SCAI: variants seen among roughly 807,000 people sequenced by gnomAD.
SCAI encodes protein SCAI.
In SCAI, 24 loss-of-function variants were observed where a neutral mutation model predicts 92.2. That is an observed-to-expected ratio of 0.26 (90% CI 0.19 to 0.37). SCAI has a LOEUF of 0.37. Among genes scored for constraint, SCAI ranks in the 10% least tolerant of loss-of-function variants. The probability of loss-of-function intolerance (pLI) is 1.00; values close to 1 mark genes in which losing one functional copy is unlikely to be tolerated. For synonymous variants in SCAI, 261 were observed against 258.6 expected (o/e 1.01, Z -0.09); for missense variants, 450 against 736.2 (o/e 0.61, Z 4.50).
intron 2 of SCAI, among the ~76,000 whole-genome samples, chr9:125,082,830 A>T (rs1342574793): frequency 6.6e-6 from 1 of 152,146 alleles, no homozygotes; most frequent in Non-Finnish European, 1.5e-5. Flanking sequence ...TTGTACCCCC[A>T]CTGTACCTAA....
chr9:124,997,235 T>A (rs1178597029), intron 13 of SCAI, among the ~76,000 whole-genome samples: 1 of 152,166 alleles, frequency 6.6e-6, no homozygotes, highest in African/African-American at 2.4e-5. Flanking sequence ...ACATGATGGA[T>A]CATAGTCATG....
In SCAI at chr9:125,075,634, T is replaced by G. The variant is rs1268832327; in HGVS notation, c.99-19627A>C. On this transcript the variant is annotated intron_variant, in intron 2 of 17. Coordinates refer to ENST00000336505, the MANE Select transcript of SCAI (RefSeq NM_001144877.3). ...CAGGCTGGAGTACAGTGGCACGATC[T>G]CCGCTCACAACAACCTCCGCCTCCA... is the stretch of plus-strand genomic sequence containing the variant. Among the ~76,000 whole-genome samples, 79 of 149,794 alleles carry G rather than the reference T, an allele frequency of 5.3e-4. 1 individual carries two copies. The highest frequency in any genetic ancestry group is 1.5e-5 in the Non-Finnish European group (1 of 67,480).
chr9:125,043,111 A>G (rs991110893), intron 3 of SCAI, among the ~76,000 whole-genome samples: 5 of 151,646 alleles, frequency 3.3e-5, no homozygotes, highest in South Asian at 2.1e-4. Flanking sequence ...CAAGTGATCC[A>G]CCTGCCCTGG....
chr9:125,105,443 G>A (rs921822982), intron 2 of SCAI, among the ~76,000 whole-genome samples: 37 of 152,234 alleles, frequency 2.4e-4, no homozygotes, highest in African/African-American at 8.4e-4. Context: ...TCGCTTCTTG[G>A]CCTTTTGGCC....
chr9:125,004,605 A>G (rs528875838), intron 9 of SCAI, among the ~76,000 whole-genome samples: 521 of 150,856 alleles, frequency 3.5e-3, no homozygotes, highest in Non-Finnish European at 5.9e-3. Context: ...CTAGGAATAC[A>G]GGCATAAGCC....
chr9:125,026,979 T>C lies in SCAI; in HGVS notation c.414-69A>G. 4 of 884,606 alleles carry C rather than the reference T, an allele frequency of 4.5e-6. No individual in the cohort carries two copies. The Admixed American group carries it at 6.8e-5, about 15-fold the overall frequency. 54.8% of individuals were successfully genotyped at this position (884,606 alleles called of 1,614,324 possible). ...TCTTCACCATGGTAAATACTTGTTC[T>C]ATATACCGCTGTATTCCTCTGTGGC... On this transcript the variant is annotated intron_variant, in intron 5 of 17. Transcript: ENST00000336505.
At chr9:125,077,271 T>C (rs1207582185) in intron 2 of SCAI, among the ~76,000 whole-genome samples, 1 of 152,258 alleles carries the variant, frequency 6.6e-6, no homozygotes, top group Non-Finnish European at 1.5e-5. Context: ...TTACTTTTTC[T>C]TTAAGCAGTA....
chr9:124,958,864 G>A (rs1408325611), intron 17 of SCAI, among the ~76,000 whole-genome samples: 4 of 146,884 alleles, frequency 2.7e-5, no homozygotes, highest in African/African-American at 1.0e-4. Context: ...CCAAGATTGT[G>A]CCACTGCACT....
At chr9:125,044,854 G>A (rs1398270245) in intron 3 of SCAI, among the ~76,000 whole-genome samples, 3 of 152,106 alleles carry the variant, frequency 2.0e-5, no homozygotes, top group African/African-American at 2.4e-5. Context: ...TGTTCCCCTC[G>A]TCCAGATGTG....
chr9:125,034,440 CA>C (rs1231940129), intron 3 of SCAI, among the ~76,000 whole-genome samples: 4 of 151,866 alleles, frequency 2.6e-5, no homozygotes, highest in Non-Finnish European at 5.9e-5. Context: ...AGAGAGGTTA[CA>C]AAAGAAAAAC....
At chr9:125,125,813 A>G (rs925152253) in intron 2 of SCAI, among the ~76,000 whole-genome samples, 8 of 114,734 alleles carry the variant, frequency 7.0e-5, no homozygotes, top group African/African-American at 2.8e-4. Context: ...CCTGGGCGAC[A>G]GAGTAAAGAC....
intron 2 of SCAI, among the ~76,000 whole-genome samples, chr9:125,104,795 T>C (rs1834743251): frequency 6.6e-6 from 1 of 151,758 alleles, no homozygotes; most frequent in African/African-American, 2.4e-5. Flanking sequence ...AATGTACTAC[T>C]AAAAATACAA....
chr9:125,017,123 G>C (rs1487418814), intron 9 of SCAI, among the ~76,000 whole-genome samples: 2 of 152,008 alleles, frequency 1.3e-5, no homozygotes, highest in East Asian at 3.9e-4. Context: ...GAAATGCTTG[G>C]TCATAGAGTG....
At position 125,001,961 on chromosome 9, in the gene SCAI, G is replaced by A. The variant is rs1832370598; in HGVS notation, c.1144+4C>T. 2.5e-6 allele frequency: 4 copies of A among 1,601,104 alleles called. No individual in the cohort carries two copies. The South Asian group carries it at 3.3e-5, about 13-fold the overall frequency. ...TCACAACAGGGAGCATTCCTTTATT[G>A]TACCTTCACTATCAGAACGACCTGT... On this transcript the variant is annotated splice_donor_region_variant and intron_variant, in intron 12 of 17. Coordinates refer to ENST00000336505, the MANE Select transcript of SCAI (RefSeq NM_001144877.3).
At chr9:125,017,203 A>G (rs2060650793) in intron 9 of SCAI, among the ~76,000 whole-genome samples, 1 of 152,182 alleles carries the variant, frequency 6.6e-6, no homozygotes, top group Admixed American at 6.5e-5. Flanking sequence ...TTCTATTTCT[A>G]CATAGTATGA....
chr9:125,043,227 A>C (rs912196451), intron 3 of SCAI, among the ~76,000 whole-genome samples: 1 of 152,176 alleles, frequency 6.6e-6, no homozygotes, highest in Non-Finnish European at 1.5e-5. Context: ...AAGGCAAAGG[A>C]ATAAGCCAAC....
chr9:125,108,906 G>A (rs566192919), intron 2 of SCAI, among the ~76,000 whole-genome samples: 1 of 152,350 alleles, frequency 6.6e-6, no homozygotes, highest in East Asian at 1.9e-4. Context: ...TGGCGGTTTT[G>A]TCAAATGGAA....
At chr9:124,989,413 C>G (rs940958186) in intron 14 of SCAI, among the ~76,000 whole-genome samples, 29 of 151,884 alleles carry the variant, frequency 1.9e-4, no homozygotes, top group Admixed American at 9.8e-4. Flanking sequence ...AACCCCACCT[C>G]TACTAAAAAT....
chr9:124,973,122 G>A (rs923445650), intron 15 of SCAI, among the ~76,000 whole-genome samples: 10 of 152,118 alleles, frequency 6.6e-5, no homozygotes, highest in East Asian at 3.8e-4. Context: ...CATATGTACC[G>A]TATACACATA....
Sources: gnomAD v4.1 joint callset for allele counts (sites outside exome capture counted in the v4.1 genomes callset) on GRCh38, gnomAD v4.1.1 for gene constraint, MANE v1.5 for transcripts, NCBI Gene and HGNC (gene_info 2026-07-23, HGNC 2026-07-21) for gene names.